SGO2: variants seen among roughly 807,000 people sequenced by gnomAD.
SGO2 encodes the protein shugoshin 2.
In SGO2, 68 loss-of-function variants were observed where a neutral mutation model predicts 99.5. The observed-to-expected ratio is 0.68, with a 90% CI of 0.56 to 0.84. SGO2 has a LOEUF of 0.84. Among genes scored for constraint, SGO2 ranks in the 40% least tolerant of loss-of-function variants. The probability of loss-of-function intolerance (pLI) is 0.00; values close to 1 mark genes in which losing one functional copy is unlikely to be tolerated. For missense variants in SGO2, 1,350 were observed against 1,436.7 expected, an observed-to-expected ratio of 0.94 and a Z score of 0.97; for synonymous variants, 457 against 487.1, an observed-to-expected ratio of 0.94 and a Z score of 0.81.
intron 8 of SGO2, among the ~76,000 whole-genome samples, chr2:200,576,286 A>T (rs564581263): frequency 1.3e-3 from 189 of 151,126 alleles, no homozygotes; most frequent in Non-Finnish European, 2.2e-3. Context: ...TTTAAACTGT[A>T]CAATTTAGAC....
At chr2:200,547,390 T>C (rs1026994043) in intron 5 of SGO2, among the ~76,000 whole-genome samples, 12 of 151,738 alleles carry the variant, frequency 7.9e-5, no homozygotes, top group Non-Finnish European at 4.4e-5. Flanking sequence ...CAGAAGGGAG[T>C]TCTTCAATCT....
chr2:200,537,432 G>T (rs1006526910), intron 4 of SGO2, among the ~76,000 whole-genome samples: 1 of 152,054 alleles, frequency 6.6e-6, no homozygotes, highest in East Asian at 1.9e-4. Flanking sequence ...AGCCAATTGG[G>T]TTTTCACCAC....
intron 5 of SGO2, among the ~76,000 whole-genome samples, chr2:200,567,663 G>A (rs2033241960): frequency 6.6e-6 from 1 of 152,126 alleles, no homozygotes; most frequent in Non-Finnish European, 1.5e-5. Flanking sequence ...CTGTCTAAAT[G>A]GATTTGGCCA....
chr2:200,532,573 C>G (rs914756766), intron 1 of SGO2, among the ~76,000 whole-genome samples: 3 of 151,990 alleles, frequency 2.0e-5, no homozygotes, highest in Non-Finnish European at 4.4e-5. Flanking sequence ...TTCTCCAACC[C>G]CCTTCCCCAC....
intron 5 of SGO2, among the ~76,000 whole-genome samples, chr2:200,557,933 G>A (rs371333947): frequency 1.8e-4 from 26 of 147,700 alleles, no homozygotes; most frequent in African/African-American, 6.3e-4. Flanking sequence ...GCATGATCTC[G>A]GCTCACTGCA....
chr2:200,583,140 TATATTTTCAC>T (rs1034453719), intron 8 of SGO2, among the ~76,000 whole-genome samples: 1 of 152,200 alleles, frequency 6.6e-6, no homozygotes, highest in Non-Finnish European at 1.5e-5. Flanking sequence ...TTTTAAATGG[TATATTTTCAC>T]ATGTTCTTGA....
intron 5 of SGO2, among the ~76,000 whole-genome samples, chr2:200,554,898 C>A (rs2032642091): frequency 6.6e-6 from 1 of 152,080 alleles, no homozygotes; most frequent in Admixed American, 6.6e-5. Context: ...TTTTACAACC[C>A]TTTATAAATT....
intron 5 of SGO2, among the ~76,000 whole-genome samples, chr2:200,567,147 G>T (rs145867814): frequency 6.6e-6 from 1 of 152,106 alleles, no homozygotes; most frequent in Non-Finnish European, 1.5e-5. Context: ...GAAATCACCC[G>T]TCTTCTGCAT....
At chr2:200,532,848 A>G in intron 1 of SGO2, 126 bp from the exon 2 acceptor site, 1 of 982,520 alleles carries the variant, frequency 1.0e-6, no homozygotes, top group Non-Finnish European at 1.4e-6. Flanking sequence ...GATTTTATGT[A>G]AAGTTTAGCA....
chr2:200,574,036 C>T (rs571053114), intron 7 of SGO2, 59 bp downstream of exon 7: 42 of 1,363,700 alleles, frequency 3.1e-5, no homozygotes, highest in South Asian at 1.5e-4. Context: ...TTTTTGTTTT[C>T]GTTTTTTACT....
chr2:200,572,693 C>A lies in SGO2; in HGVS notation c.2347C>A (p.Gln783Lys). ...DSGNLYDSEI[Q>K]NVLGVKHGHD... is the part of the protein sequence containing the mutation. Reference sequence around the variant, plus strand: ...TGGAAACCTGTATGATTCTGAGATTCAAAATGTTTTGGGGGTGAAACATGG... The same window carrying A: ...TGGAAACCTGTATGATTCTGAGATTAAAAATGTTTTGGGGGTGAAACATGG... The change falls in exon 7 of 9, where the codon CAA becomes AAA. Residue 783 changes from glutamine (Q) to lysine (K), a missense_variant. By Grantham distance (53) the Gln-to-Lys change is moderately conservative. Coordinates refer to ENST00000357799, the MANE Select transcript of SGO2 (RefSeq NM_152524.6). The A allele has an allele frequency of 1.2e-6, 2 of 1,612,012 alleles. No homozygotes were observed. The highest frequency in any genetic ancestry group is 1.1e-5 in the South Asian group (1 of 90,574).
Position 200,575,308 on chromosome 2 carries a change from C to G in SGO2, c.3632-3C>G, listed in dbSNP as rs1057433948. 3 of 1,525,810 alleles carry G rather than the reference C, an allele frequency of 2.0e-6. No homozygotes were observed. Among genetic ancestry groups the G allele is most frequent in the Non-Finnish European group, 2.7e-6 (3 of 1,128,120 alleles). The allele number at this position is 1,525,810 out of a possible 1,614,324, so 94.5% of individuals were successfully genotyped here. On this transcript the variant is annotated splice_region_variant and splice_polypyrimidine_tract_variant and intron_variant, in intron 7 of 8. Coordinates refer to ENST00000357799, the MANE Select transcript of SGO2 (RefSeq NM_152524.6). ...ATTTGTGAAAAATAATATTCTTTTT[C>G]AGGTGATAGACCATTACAGGACTTG... is the stretch of plus-strand genomic sequence containing the variant.
At chr2:200,543,657 A>G (rs1020179959) in intron 5 of SGO2, 1 of 152,180 alleles carries the variant, frequency 6.6e-6, no homozygotes, top group Non-Finnish European at 1.5e-5. Context: ...AGTTTGTTCC[A>G]TTGACTTGCC....
chr2:200,564,464 G>T (rs2033104641), intron 5 of SGO2, among the ~76,000 whole-genome samples: 3 of 152,186 alleles, frequency 2.0e-5, no homozygotes, highest in African/African-American at 7.2e-5. Flanking sequence ...ATTTGCTGAG[G>T]AGTGCTTTAC....
At chr2:200,579,900 A>G (rs1342368413) in intron 8 of SGO2, among the ~76,000 whole-genome samples, 1 of 152,154 alleles carries the variant, frequency 6.6e-6, no homozygotes, top group East Asian at 1.9e-4. Context: ...CCTTTAATGA[A>G]ATAATTTATA....
rs1338025098 is a variant in SGO2, at chr2:200,571,435, T to C, written c.1089T>C (p.Ala363=). 3.1e-6 allele frequency: 5 copies of C among 1,610,736 alleles called. No homozygotes were observed. Among genetic ancestry groups the C allele is most frequent in the Non-Finnish European group, 4.2e-6 (5 of 1,178,262 alleles). ...DFQLQKTVYD[A]DMDLTASEVS... ...AATTGCAGAAAACTGTGTATGATGC[T>C]GACATGGATTTAACTGCTAGTGAAG... Residue 363 remains alanine, a synonymous_variant, in exon 7 of 9, where the codon GCT becomes GCC. Transcript: ENST00000357799.
chr2:200,542,675 G>C lies in SGO2; in HGVS notation c.473+11G>C. The C allele has an allele frequency of 1.2e-6, 2 of 1,605,758 alleles. No individual in the cohort carries two copies. Among genetic ancestry groups the C allele is most frequent in the Non-Finnish European group, 1.7e-6 (2 of 1,173,754 alleles). ...TCTTCCATTTGCAAGGTAAATATGG[G>C]CTTGAATTACACTAGTTCAGAGTAT... is the stretch of plus-strand genomic sequence containing the variant. On this transcript the variant is annotated intron_variant, in intron 5 of 8. Transcript: ENST00000357799.
At position 200,575,411 on chromosome 2, in the gene SGO2, C is replaced by T; in HGVS notation, c.3732C>T (p.Ser1244=). The T allele has an allele frequency of 1.2e-6, 2 of 1,603,380 alleles. No homozygotes were observed. Among genetic ancestry groups the T allele is most frequent in the Non-Finnish European group, 1.7e-6 (2 of 1,172,968 alleles). ...KSEDLSSERT[S]RRRRCTPFYF... Reference sequence around the variant, plus strand: ...AAGATCTATCTTCAGAACGGACAAGCAGAAGAAGAAGGTGTACTCCTTTCT... The same window carrying T: ...AAGATCTATCTTCAGAACGGACAAGTAGAAGAAGAAGGTGTACTCCTTTCT... The change falls in exon 8 of 9, where the codon AGC becomes AGT. Residue 1244 remains serine, a synonymous_variant. Transcript: ENST00000357799.
intron 5 of SGO2, among the ~76,000 whole-genome samples, chr2:200,546,591 A>G (rs1012514172): frequency 2.0e-5 from 3 of 152,116 alleles, no homozygotes; most frequent in African/African-American, 7.2e-5. Context: ...AATTCTAAAT[A>G]GTAGTTTTAA....
Sources: allele counts gnomAD v4.1 joint callset (sites outside exome capture counted in the v4.1 genomes callset), GRCh38; gene constraint gnomAD v4.1.1; transcripts MANE v1.5; gene names NCBI Gene and HGNC (gene_info 2026-07-23, HGNC 2026-07-21).